GDA: variants seen among roughly 807,000 people sequenced by gnomAD.
GDA encodes the protein cytoplasmic PSD-95 interactor.
A neutral mutation model predicts 59.6 loss-of-function variants in GDA; 18 were observed. That is an observed-to-expected ratio of 0.30 (90% confidence interval 0.21 to 0.45). GDA has a LOEUF of 0.45. Among genes scored for constraint, GDA ranks in the 20% least tolerant of loss-of-function variants. The probability of loss-of-function intolerance (pLI) is 1.00; values close to 1 mark genes in which losing one functional copy is unlikely to be tolerated. For missense variants in GDA, 427 were observed against 552.3 expected (o/e 0.77, Z 2.27); for synonymous variants, 201 against 201.1 (o/e 1.00, Z 0.00).
At chr9:72,191,507 T>G (rs1832542479) in intron 1 of GDA, among the ~76,000 whole-genome samples, 1 of 151,438 alleles carries the variant, frequency 6.6e-6, no homozygotes, top group South Asian at 2.1e-4. Flanking sequence ...AGTCTTGCTC[T>G]TTTGCCCAGG....
chr9:72,181,719 A>G (rs957812457), intron 1 of GDA, among the ~76,000 whole-genome samples: 6 of 152,008 alleles, frequency 3.9e-5, no homozygotes, highest in Admixed American at 2.0e-4. Flanking sequence ...AGCTCACTGC[A>G]ACCTTGAACT....
intron 11 of GDA, among the ~76,000 whole-genome samples, chr9:72,243,819 C>T (rs764239377): frequency 3.3e-5 from 5 of 152,060 alleles, no homozygotes; most frequent in Non-Finnish European, 7.4e-5. Context: ...CAAAGGTAGT[C>T]GATTCAATAT....
At chr9:72,168,200 C>G (rs1829541104) in intron 1 of GDA, among the ~76,000 whole-genome samples, 1 of 151,906 alleles carries the variant, frequency 6.6e-6, no homozygotes, top group African/African-American at 2.4e-5. Flanking sequence ...AGTTTGAGAC[C>G]AGCCTGGGCA....
intron 10 of GDA, among the ~76,000 whole-genome samples, chr9:72,238,574 A>G (rs1469533716): frequency 6.6e-6 from 1 of 152,260 alleles, no homozygotes; most frequent in Admixed American, 6.5e-5. Context: ...GAATGAATGC[A>G]TAGGAAATGA....
chr9:72,237,277 G>A (rs1839119141), intron 10 of GDA, among the ~76,000 whole-genome samples: 2 of 152,098 alleles, frequency 1.3e-5, no homozygotes, highest in South Asian at 4.1e-4. Flanking sequence ...TCTCCTGTGG[G>A]TATTACCACT....
At chr9:72,189,977 A>G (rs1832334857) in intron 1 of GDA, among the ~76,000 whole-genome samples, 1 of 152,216 alleles carries the variant, frequency 6.6e-6, no homozygotes, top group Admixed American at 6.5e-5. Context: ...TGCCATTGTA[A>G]CAGTATTAAG....
chr9:72,218,175 A>G (rs1024461352), intron 5 of GDA, among the ~76,000 whole-genome samples: 1 of 152,196 alleles, frequency 6.6e-6, no homozygotes, highest in African/African-American at 2.4e-5. Context: ...CAGCCTCCCA[A>G]AGTGCTGAGA....
intron 10 of GDA, among the ~76,000 whole-genome samples, chr9:72,238,310 G>A (rs576712146): frequency 1.3e-5 from 2 of 152,222 alleles, no homozygotes; most frequent in South Asian, 2.1e-4. Flanking sequence ...TCTCATCCTT[G>A]TTGTAGTTTA....
At chr9:72,131,755 ATAAC>A (rs2130616259) in intron 1 of GDA, among the ~76,000 whole-genome samples, 1 of 152,312 alleles carries the variant, frequency 6.6e-6, no homozygotes, top group Admixed American at 6.5e-5. Flanking sequence ...TGCTAGGTCA[ATAAC>A]TAGGGTTAAG....
rs1840479626 is a variant in GDA at position 72,249,480 on chromosome 9, T to C, written c.*1138T>C. The C allele has an allele frequency of 1.4e-6, 1 of 727,788 alleles. No individual in the cohort carries two copies. Among genetic ancestry groups the C allele is most frequent in the Non-Finnish European group, 1.7e-6 (1 of 595,218 alleles). 45.1% of individuals were successfully genotyped at this position (727,788 alleles called of 1,614,324 possible). A position where few individuals can be genotyped will look rare whatever the true frequency, so the allele number is the denominator to read the frequency against. ...GTTTAACTCCTTATAATGTTTAGGATATTAAAATTTTAGGATAATGAAGAG... is the reference window on the plus strand; with the variant it reads ...GTTTAACTCCTTATAATGTTTAGGACATTAAAATTTTAGGATAATGAAGAG... On this transcript the variant is annotated 3_prime_UTR_variant, in exon 14 of 14. Transcript: ENST00000358399.
intron 12 of GDA, among the ~76,000 whole-genome samples, chr9:72,246,187 G>A (rs28735208): frequency 0.01 from 1,585 of 152,158 alleles, 33 homozygotes; most frequent in African/African-American, 0.036. Context: ...TGCTCTTGTC[G>A]CCCAGGCTGG....
At position 72,225,724 on chromosome 9, in the gene GDA, A is replaced by T; in HGVS notation, c.762A>T (p.Leu254Phe). 6.4e-7 allele frequency: 1 copy of T among 1,559,172 alleles called. No individual in the cohort carries two copies. Among genetic ancestry groups the T allele is most frequent in the Non-Finnish European group, 8.8e-7 (1 of 1,135,620 alleles). Residue 254 changes from leucine (L) to phenylalanine (F), a missense_variant, in exon 8 of 14, where the codon TTA (leucine) becomes TTT (phenylalanine). Leu to Phe is a conservative substitution (Grantham distance 22). Coordinates refer to ENST00000358399, the MANE Select transcript of GDA (RefSeq NM_004293.5). ...NRDEVEAVKN[L>F]YPSYKNYTSV... ...ATGAAGTTGAAGCTGTGAAAAACTT[A>T]TACCCCAGTTATAAAAACTACACAT... is the stretch of plus-strand genomic sequence containing the variant.
At chr9:72,229,603 C>T (rs1838084833) in intron 9 of GDA, among the ~76,000 whole-genome samples, 1 of 152,088 alleles carries the variant, frequency 6.6e-6, no homozygotes, top group Non-Finnish European at 1.5e-5. Flanking sequence ...GTTGAGGGCT[C>T]CTGGGCAGAG....
downstream of GDA, chr9:72,256,991 G>C (rs995697251): frequency 2.0e-5 from 3 of 152,280 alleles, no homozygotes; most frequent in African/African-American, 7.2e-5. Flanking sequence ...TTGTTTCCCA[G>C]GCTGATCTTG....
chr9:72,121,887 G>A (rs2130577436), intron 1 of GDA, among the ~76,000 whole-genome samples: 1 of 152,266 alleles, frequency 6.6e-6, no homozygotes, highest in Middle Eastern at 3.4e-3. Context: ...ACTTAGAGCA[G>A]CCACTGACTC....
At chr9:72,244,831 G>C (rs1839979105) in intron 11 of GDA, among the ~76,000 whole-genome samples, 1 of 152,120 alleles carries the variant, frequency 6.6e-6, no homozygotes, top group Non-Finnish European at 1.5e-5. Flanking sequence ...TGCTTAGAGG[G>C]ATAAATGAAA....
chr9:72,256,369 TCA>T (rs980702365), downstream of GDA, among the ~76,000 whole-genome samples: 36 of 152,302 alleles, frequency 2.4e-4, no homozygotes, highest in Admixed American at 9.8e-4. Flanking sequence ...TTTGAAGAAC[TCA>T]CAGTCTGGGA....
chr9:72,186,508 C>T (rs1831877208), intron 1 of GDA, among the ~76,000 whole-genome samples: 1 of 152,162 alleles, frequency 6.6e-6, no homozygotes, highest in South Asian at 2.1e-4. Flanking sequence ...CTATTTACCT[C>T]TCTTTATTTT....
chr9:72,230,314 G>A (rs1218623597), intron 9 of GDA, among the ~76,000 whole-genome samples: 3 of 151,940 alleles, frequency 2.0e-5, no homozygotes, highest in African/African-American at 2.4e-5. Flanking sequence ...CCAACATGGC[G>A]AAACCCTGTT....
Sources: gnomAD v4.1 joint callset for allele counts (sites outside exome capture counted in the v4.1 genomes callset) on GRCh38, gnomAD v4.1.1 for gene constraint, MANE v1.5 for transcripts, NCBI Gene and HGNC (gene_info 2026-07-23, HGNC 2026-07-21) for gene names.